Variants in SYNE2 observed in about 807,000 individuals in gnomAD.
The protein encoded by SYNE2 is spectrin repeat containing nuclear envelope protein 2, also known as nesprin-2.
A neutral mutation model predicts 856.3 loss-of-function variants in SYNE2; 431 were observed. The ratio of observed to expected loss-of-function variants is 0.50; its 90% confidence interval spans 0.47 to 0.55. The LOEUF (loss-of-function observed/expected upper bound fraction) is 0.55, where lower values mean the gene tolerates loss of function less well. Among genes scored for constraint, SYNE2 ranks in the 20% least tolerant of loss-of-function variants. The pLI, the probability that SYNE2 is intolerant of heterozygous loss-of-function variation, is 0.00. For missense variants in SYNE2, 8,129 were observed against 8,023.2 expected (o/e 1.01, Z -0.50); for synonymous variants, 2,923 against 2,872.3 (o/e 1.02, Z -0.56).
rs764395325 is a variant in SYNE2 at position 64,223,252 on chromosome 14, A to G, written c.20254A>G (p.Ser6752Gly). Residue 6752 changes from serine (S) to glycine (G), a missense_variant, in exon 113 of 116, where the codon AGC becomes GGC. By Grantham distance (56) the Ser-to-Gly change is moderately conservative. Coordinates refer to ENST00000555002, the MANE Select transcript of SYNE2 (RefSeq NM_182914.3). ...GGACATGTTACAGGAGATTTCAAAC[A>G]GCCTTCTCATTAAGGGACATGGAGA... ...QVDMLQEISNSLLIKGHGEDC... is the reference protein window; with the variant it reads ...QVDMLQEISNGLLIKGHGEDC... 4 of 1,614,236 alleles carry G rather than the reference A, an allele frequency of 2.5e-6. No individual in the cohort carries two copies. The highest frequency in any genetic ancestry group is 2.5e-6 in the Non-Finnish European group (3 of 1,180,036).
At chr14:64,201,106 AACT>A (rs1315052288) in intron 99 of SYNE2, among the ~76,000 whole-genome samples, 1 of 152,208 alleles carries the variant, frequency 6.6e-6, no homozygotes, top group Non-Finnish European at 1.5e-5. Context: ...ATCATGAAGA[AACT>A]CAGAGTCAGC....
chr14:64,017,519 A>G, intron 33 of SYNE2, 76 bp from the exon 34 acceptor site: 3 of 1,242,796 alleles, frequency 2.4e-6, no homozygotes, highest in Admixed American at 1.8e-5. Flanking sequence ...TTATTTTAAA[A>G]CAGTGTTTGG....
chr14:63,835,704 C>T (rs2139910200), intron 1 of SYNE2, among the ~76,000 whole-genome samples: 1 of 152,166 alleles, frequency 6.6e-6, no homozygotes, highest in African/African-American at 2.4e-5. Context: ...ATATCCAAGG[C>T]CGGGCGTGGT....
At chr14:64,187,816 G>A (rs2098499767) in intron 97 of SYNE2, among the ~76,000 whole-genome samples, 1 of 152,154 alleles carries the variant, frequency 6.6e-6, no homozygotes, top group Admixed American at 6.5e-5. Flanking sequence ...TGTACATCTA[G>A]TTAGGCTGAT....
intron 98 of SYNE2, 99 bp downstream of exon 98, chr14:64,188,807 C>A: frequency 4.6e-6 from 6 of 1,298,014 alleles, no homozygotes; most frequent in Non-Finnish European, 4.4e-6. Context: ...ACGGGTGTTT[C>A]CAGTAGCATT....
intron 1 of SYNE2, among the ~76,000 whole-genome samples, chr14:63,900,349 C>G (rs895487303): frequency 3.3e-5 from 5 of 152,148 alleles, no homozygotes; most frequent in Admixed American, 2.6e-4. Context: ...TGAACTTAAA[C>G]TTCCACATGG....
chr14:64,207,560 A>AAAG (rs2098612516), intron 100 of SYNE2, among the ~76,000 whole-genome samples: 1 of 151,548 alleles, frequency 6.6e-6, no homozygotes. Context: ...AAAAAAAAAA[A>AAAG]AGAGAGTATG....
intron 1 of SYNE2, among the ~76,000 whole-genome samples, chr14:63,879,751 T>C (rs1335091611): frequency 6.6e-6 from 1 of 152,256 alleles, no homozygotes; most frequent in Non-Finnish European, 1.5e-5. Flanking sequence ...CCCTTTGGTA[T>C]CCACAGATAG....
chr14:64,171,783 G>C (rs2098412127), intron 94 of SYNE2, among the ~76,000 whole-genome samples: 2 of 152,176 alleles, frequency 1.3e-5, no homozygotes, highest in South Asian at 2.1e-4. Flanking sequence ...TGGATTACCT[G>C]GTCTGGCTGG....
chr14:64,171,812 G>A (rs1567539952), intron 94 of SYNE2, among the ~76,000 whole-genome samples: 2 of 152,202 alleles, frequency 1.3e-5, no homozygotes, highest in Non-Finnish European at 2.9e-5. Flanking sequence ...AGCCTTTGAA[G>A]CATTTCAGCT....
rs970226488 is a variant in SYNE2, at chr14:63,783,835, G to A, written c.-305+21849G>A. ...GGACAAGGAAAAAAGAAATAGCTGT[G>A]GAGGACTCTATTTGAACAATTTATG... On this transcript the variant is annotated intron_variant, in intron 1 of 23. Transcript: ENST00000674003. Among the ~76,000 whole-genome samples, 43 of 152,136 alleles carry A rather than the reference G, an allele frequency of 2.8e-4. 1 individual carries two copies. The highest frequency in any genetic ancestry group is 1.6e-4 in the Non-Finnish European group (11 of 68,026).
chr14:64,194,482 T>G (rs2098532019), intron 99 of SYNE2, among the ~76,000 whole-genome samples: 1 of 152,136 alleles, frequency 6.6e-6, no homozygotes, highest in Non-Finnish European at 1.5e-5. Context: ...GTTGTTTGTT[T>G]TTTGTAGAGA....
chr14:63,851,984 G>C (rs1194284761), upstream of SYNE2, among the ~76,000 whole-genome samples: 19 of 10,832 alleles, frequency 1.8e-3, 1 homozygote, highest in East Asian at 4.4e-3. Flanking sequence ...GCGGGGGGGG[G>C]GGGGGGGGGA....
chr14:63,825,182 T>C (rs1475672015), intron 1 of SYNE2, among the ~76,000 whole-genome samples: 1 of 151,926 alleles, frequency 6.6e-6, no homozygotes, highest in Non-Finnish European at 1.5e-5. Flanking sequence ...TACTGTATGA[T>C]GAAAAACTAA....
rs12587140 is a variant in SYNE2 at position 64,102,079 on chromosome 14, G to A, written c.12492+37G>A. 128,422 of 1,441,290 alleles carry A rather than the reference G, an allele frequency of 0.089. 6,616 individuals carry two copies. The highest frequency in any genetic ancestry group is 0.18 in the African/African-American group (12,771 of 71,614). 89.3% of individuals were successfully genotyped at this position (1,441,290 alleles called of 1,614,324 possible). ...CGTATCAGCCACGCTTAGGGGTTAC[G>A]AGGGCCCAGGGGGGAGCAGGGATCT... On this transcript the variant is annotated intron_variant, in intron 64 of 115. Coordinates refer to ENST00000555002, the MANE Select transcript of SYNE2 (RefSeq NM_182914.3).
intron 39 of SYNE2, 35 bp from the exon 40 acceptor site, chr14:64,024,877 T>C (rs1208051468): frequency 6.2e-7 from 1 of 1,612,702 alleles, no homozygotes; most frequent in African/African-American, 1.3e-5. Context: ...ACTTTTTGCT[T>C]ATTTTGTATT....
chr14:64,209,134 C>G (rs1025837378), intron 101 of SYNE2, 189 bp downstream of exon 101: 12 of 906,450 alleles, frequency 1.3e-5, no homozygotes, highest in Non-Finnish European at 1.9e-5. Context: ...CTCTCCCCAG[C>G]TGTCCTGTGT....
At chr14:64,205,329 A>G (rs923440022) in intron 100 of SYNE2, among the ~76,000 whole-genome samples, 1 of 152,206 alleles carries the variant, frequency 6.6e-6, no homozygotes, top group African/African-American at 2.4e-5. Context: ...TGCTAAACTC[A>G]GACCTTAAGT....
intron 1 of SYNE2, among the ~76,000 whole-genome samples, chr14:63,797,314 C>A (rs1887956302): frequency 6.7e-6 from 1 of 150,246 alleles, no homozygotes; most frequent in Non-Finnish European, 1.5e-5. Context: ...TTGCTTGAAC[C>A]CAGGAGGCGG....
Sources: allele counts gnomAD v4.1 joint callset (sites outside exome capture counted in the v4.1 genomes callset), GRCh38; gene constraint gnomAD v4.1.1; transcripts MANE v1.5; gene names NCBI Gene and HGNC (gene_info 2026-07-23, HGNC 2026-07-21).